The following OR2L13 variants were observed in gnomAD, a reference collection of about 807,000 sequenced individuals.
OR2L13 encodes the protein olfactory receptor family 2 subfamily L member 13, also known as olfactory receptor 2L13.
A neutral mutation model predicts 15.3 loss-of-function variants in OR2L13; 14 were observed. The observed-to-expected ratio is 0.91, with a 90% CI of 0.60 to 1.43. The LOEUF (loss-of-function observed/expected upper bound fraction) is 1.43, where lower values mean the gene tolerates loss of function less well. Among genes scored for constraint, OR2L13 ranks in the 40% most tolerant of loss-of-function variants. OR2L13 has a pLI of 0.00. For synonymous variants in OR2L13, 152 were observed against 142.9 expected, an observed-to-expected ratio of 1.06 and a Z score of -0.45; for missense variants, 367 against 387.9, an observed-to-expected ratio of 0.95 and a Z score of 0.45.
At chr1:248,099,121 G>C (rs1664792549) in intron 2 of OR2L13, among the ~76,000 whole-genome samples, 1 of 152,022 alleles carries the variant, frequency 6.6e-6, no homozygotes, top group African/African-American at 2.4e-5. Context: ...ATTTGTAGCT[G>C]CTTGACTCTG....
chr1:248,084,441 C>A, the OR2L13 span: 6 of 1,595,384 alleles, frequency 3.8e-6, no homozygotes, highest in Non-Finnish European at 5.1e-6. Context: ...CGTGTGGAGC[C>A]GGCCGGTCCC....
the OR2L13 span, chr1:248,055,767 G>A: frequency 8.5e-5 from 13 of 152,328 alleles, no homozygotes; most frequent in South Asian, 2.7e-3. Flanking sequence ...ATGACAGTGA[G>A]ACTCCGTCTC....
the OR2L13 span, chr1:248,083,817 G>C: frequency 6.2e-7 from 1 of 1,613,712 alleles, no homozygotes; most frequent in African/African-American, 1.3e-5. Context: ...GTGGGATTTG[G>C]GTCTCATATA....
the OR2L13 span, chr1:248,022,696 A>G: frequency 2.5e-6 from 4 of 1,614,052 alleles, no homozygotes; most frequent in Admixed American, 6.7e-5. Context: ...GTAACTTTCT[A>G]CTATGCACCC....
the OR2L13 span, among the ~76,000 whole-genome samples, chr1:248,011,379 A>G: frequency 6.6e-6 from 1 of 152,088 alleles, no homozygotes; most frequent in African/African-American, 2.4e-5. Context: ...GGCTGCTGTT[A>G]TCATTTTTCC....
At chr1:247,940,599 C>G in the OR2L13 span, among the ~76,000 whole-genome samples, 1 of 152,048 alleles carries the variant, frequency 6.6e-6, no homozygotes. Flanking sequence ...ATAGGTATTC[C>G]TTATCCAACT....
the OR2L13 span, chr1:247,975,152 A>C: frequency 2.5e-6 from 1 of 398,996 alleles, no homozygotes; most frequent in African/African-American, 2.1e-5. Context: ...TATGAGCAAG[A>C]TAGTATGTGC....
At chr1:248,022,181 T>A in the OR2L13 span, 3 of 1,614,080 alleles carry the variant, frequency 1.9e-6, no homozygotes, top group Non-Finnish European at 2.5e-6. Context: ...CGATTGTTCC[T>A]AAGATGGCTT....
At chr1:247,972,155 CA>C in the OR2L13 span, among the ~76,000 whole-genome samples, 706 of 152,184 alleles carry the variant, frequency 4.6e-3, 9 homozygotes, top group African/African-American at 0.016. Context: ...TAAATGCCCA[CA>C]TTAGAAAAGG....
chr1:247,993,858 G>T, the OR2L13 span, among the ~76,000 whole-genome samples: 1 of 151,100 alleles, frequency 6.6e-6, no homozygotes, highest in Non-Finnish European at 1.5e-5. Flanking sequence ...GAAAGAGTTT[G>T]TAAAACCAAT....
chr1:247,996,224 G>T, the OR2L13 span, among the ~76,000 whole-genome samples: 2 of 152,192 alleles, frequency 1.3e-5, no homozygotes, highest in Admixed American at 1.3e-4. Context: ...TCCTGCCTCA[G>T]TCTCCCCATA....
At chr1:248,082,678 C>A in the OR2L13 span, among the ~76,000 whole-genome samples, 3 of 151,826 alleles carry the variant, frequency 2.0e-5, no homozygotes, top group Non-Finnish European at 4.4e-5. Flanking sequence ...AAATAGTCTT[C>A]TTTTTTTTGT....
At chr1:247,983,063 T>C in the OR2L13 span, among the ~76,000 whole-genome samples, 30 of 152,164 alleles carry the variant, frequency 2.0e-4, no homozygotes, top group Admixed American at 2.0e-3. Flanking sequence ...TATGTGTATA[T>C]CAACTTATAT....
At chr1:247,953,827 C>G in the OR2L13 span, among the ~76,000 whole-genome samples, 2 of 152,016 alleles carry the variant, frequency 1.3e-5, no homozygotes, top group Non-Finnish European at 1.5e-5. Flanking sequence ...TGCAGTGTAC[C>G]TGAATAAATA....
At chr1:247,956,198 G>A in the OR2L13 span, among the ~76,000 whole-genome samples, 1 of 151,802 alleles carries the variant, frequency 6.6e-6, no homozygotes, top group Non-Finnish European at 1.5e-5. Context: ...TATTAAATAG[G>A]GAATCCTTTC....
At chr1:248,010,491 T>C in the OR2L13 span, among the ~76,000 whole-genome samples, 1 of 152,176 alleles carries the variant, frequency 6.6e-6, no homozygotes, top group African/African-American at 2.4e-5. Context: ...GTGAATTTTC[T>C]GTCTCATTGC....
the OR2L13 span, among the ~76,000 whole-genome samples, chr1:247,972,794 G>A: frequency 5.3e-5 from 8 of 152,138 alleles, no homozygotes; most frequent in South Asian, 2.1e-4. Flanking sequence ...GCATCATCCT[G>A]ATTCCAAAAC....
the OR2L13 span, among the ~76,000 whole-genome samples, chr1:247,953,574 G>A: frequency 6.6e-6 from 1 of 152,138 alleles, no homozygotes; most frequent in Non-Finnish European, 1.5e-5. Flanking sequence ...GTAAATTGAA[G>A]GAATGAATGA....
intron 1 of OR2L13, among the ~76,000 whole-genome samples, chr1:248,098,375 C>A (rs1206643756): frequency 6.6e-6 from 1 of 152,014 alleles, no homozygotes; most frequent in Non-Finnish European, 1.5e-5. Flanking sequence ...TTTTTCTGAT[C>A]AGTTTTTATT....
Sources: allele counts gnomAD v4.1 joint callset (sites outside exome capture counted in the v4.1 genomes callset), GRCh38; gene constraint gnomAD v4.1.1; transcripts MANE v1.5; gene names NCBI Gene and HGNC (gene_info 2026-07-23, HGNC 2026-07-21).